SPNS2: variants seen among roughly 807,000 people sequenced by gnomAD.
The protein encoded by SPNS2 is SPNS lysolipid transporter 2, sphingosine-1-phosphate.
Under a neutral mutation model 57.6 loss-of-function variants are expected in SPNS2, and 37 were observed. The ratio of observed to expected loss-of-function variants is 0.64; its 90% confidence interval spans 0.49 to 0.85. SPNS2 has a LOEUF of 0.85. Among genes scored for constraint, SPNS2 ranks in the 40% least tolerant of loss-of-function variants. The pLI is 0.00. For synonymous variants in SPNS2, 440 were observed against 346.9 expected (o/e 1.27, Z -2.98); for missense variants, 831 against 779.1 (o/e 1.07, Z -0.79).
intron 8 of SPNS2, 61 bp downstream of exon 8, chr17:4,533,493 G>C (rs1905599948): frequency 6.7e-7 from 1 of 1,496,366 alleles, no homozygotes; most frequent in African/African-American, 1.4e-5. Context: ...GGAGGGTCTG[G>C]AACAGGACAT....
Position 4,536,966 on chromosome 17 carries a change from C to A in SPNS2, c.*4+20C>A. On this transcript the variant is annotated intron_variant, in intron 12 of 12. Transcript: ENST00000329078. ...GAGGTGGTGAGTGCAGGCCGGGAGG[C>A]ACGTGGGGGCTCCCTAAGGAAAGGG... 1.2e-6 allele frequency: 2 copies of A among 1,610,688 alleles called. No homozygotes were observed. The highest frequency in any genetic ancestry group is 1.7e-6 in the Non-Finnish European group (2 of 1,178,798).
intron 2 of SPNS2, among the ~76,000 whole-genome samples, chr17:4,521,002 T>A (rs1905125259): frequency 6.6e-6 from 1 of 152,158 alleles, no homozygotes; most frequent in Admixed American, 6.5e-5. Context: ...TATTTCAGCG[T>A]ATATTCTTGA....
chr17:4,527,766 G>A (rs1034656589), intron 3 of SPNS2, among the ~76,000 whole-genome samples: 1 of 152,182 alleles, frequency 6.6e-6, no homozygotes, highest in Admixed American at 6.5e-5. Context: ...AAAGCTGTGG[G>A]GAATCGGGGA....
rs1904904499 is a variant in SPNS2, at chr17:4,513,403, T to C, written c.436+91T>C. ...GTCGTCATCTGCCACCCGGTCTGTC[T>C]TCCCCTGTCCTGACTCCTGGAAAGA... On this transcript the variant is annotated intron_variant, in intron 2 of 12. Coordinates refer to ENST00000329078, the MANE Select transcript of SPNS2 (RefSeq NM_001124758.3). 5.7e-6 allele frequency: 8 copies of C among 1,395,430 alleles called. No individual in the cohort carries two copies. In the East Asian group the frequency reaches 1.8e-4, roughly 32 times the overall value. 86.4% of individuals were successfully genotyped at this position (1,395,430 alleles called of 1,614,324 possible).
chr17:4,508,383 C>A (rs1434460738), intron 1 of SPNS2, among the ~76,000 whole-genome samples: 1 of 152,180 alleles, frequency 6.6e-6, no homozygotes, highest in Non-Finnish European at 1.5e-5. Flanking sequence ...GGTGACTCTG[C>A]AGATTTGGGG....
chr17:4,528,086 A>G (rs1305665388), intron 3 of SPNS2, among the ~76,000 whole-genome samples: 1 of 151,930 alleles, frequency 6.6e-6, no homozygotes, highest in Non-Finnish European at 1.5e-5. Context: ...GCAATGGCAC[A>G]ATCTGGGTTC....
chr17:4,524,671 G>A (rs1001066879), intron 2 of SPNS2, among the ~76,000 whole-genome samples: 2 of 152,294 alleles, frequency 1.3e-5, no homozygotes, highest in Admixed American at 6.5e-5. Context: ...GTGACAGAGC[G>A]AGACCCTGTC....
chr17:4,530,419 C>T (rs892769551), intron 3 of SPNS2, among the ~76,000 whole-genome samples: 2 of 152,152 alleles, frequency 1.3e-5, no homozygotes, highest in African/African-American at 4.8e-5. Flanking sequence ...ACTGGGCCGG[C>T]CAGGCCCCGT....
Position 4,533,049 on chromosome 17 carries a change from C to G in SPNS2, c.1008C>G (p.Ile336Met). Reference protein sequence around the residue: ...SFATGALGMWIPLYLHRAQVV... With the variant: ...SFATGALGMWMPLYLHRAQVV... ...CCACGGGGGCCCTGGGCATGTGGATCCCGCTCTACCTGCACCGCGCCCAAG... is the reference window on the plus strand; with the variant it reads ...CCACGGGGGCCCTGGGCATGTGGATGCCGCTCTACCTGCACCGCGCCCAAG... The change falls in exon 7 of 13, where the codon ATC becomes ATG. Residue 336 changes from isoleucine (I) to methionine (M), a missense_variant. Physicochemically the swap from Ile to Met is conservative, Grantham distance 10 (BLOSUM62 1). Coordinates refer to ENST00000329078, the MANE Select transcript of SPNS2 (RefSeq NM_001124758.3). The G allele has an allele frequency of 6.2e-7, 1 of 1,613,404 alleles. No individual in the cohort carries two copies. The highest frequency in any genetic ancestry group is 8.5e-7 in the Non-Finnish European group (1 of 1,179,990).
At chr17:4,532,502 T>A (rs1270211747) in intron 5 of SPNS2, 40 bp from the exon 6 acceptor site, 1 of 1,613,794 alleles carries the variant, frequency 6.2e-7, no homozygotes, top group Non-Finnish European at 8.5e-7. Flanking sequence ...GGGACGAGGC[T>A]CACTGGGCCC....
chr17:4,533,673 G>T, intron 8 of SPNS2, 115 bp from the exon 9 acceptor site: 1 of 1,240,800 alleles, frequency 8.1e-7, no homozygotes. Context: ...TGTGGGCCCG[G>T]GAGGGGTGTG....
chr17:4,499,145 G>T lies in SPNS2; in HGVS notation c.98G>T (p.Gly33Val). ...RRRRRRGAQR[G>V]AGGSGCCGAR... ...CGCCGGCGCCGGGGGGCGCAGCGAG[G>T]GGCTGGCGGTAGCGGTTGCTGCGGG... Residue 33 changes from glycine (G) to valine (V), a missense_variant, in exon 1 of 13, where the codon GGG becomes GTG. By Grantham distance (109) the Gly-to-Val change is moderately radical (BLOSUM62 -3). Around this residue, in one of 2 missense-constraint regions of SPNS2, gnomAD observed 305 missense variants for 378.3 expected, o/e 0.81. Transcript: ENST00000329078. The surrounding 1 kb of genome is among the most constrained non-coding windows in gnomAD (Gnocchi z 5.2). 8.4e-7 allele frequency: 1 copy of T among 1,185,342 alleles called. No homozygotes were observed. The highest frequency in any genetic ancestry group is 3.4e-4 in the Middle Eastern group (1 of 2,962). 73.4% of individuals were successfully genotyped at this position (1,185,342 alleles called of 1,614,324 possible).
chr17:4,518,509 C>T (rs36126342), intron 2 of SPNS2, among the ~76,000 whole-genome samples: 23,471 of 152,102 alleles, frequency 0.15, 3,245 homozygotes, highest in East Asian at 0.67. Flanking sequence ...GGCGACAGAG[C>T]GAGACTCCGT....
chr17:4,536,040 C>T (rs1164005183), intron 9 of SPNS2, 36 bp from the exon 10 acceptor site: 1 of 1,589,044 alleles, frequency 6.3e-7, no homozygotes, highest in Non-Finnish European at 8.6e-7. Flanking sequence ...GTGAGCCTTT[C>T]TCCTCTGGCC....
At chr17:4,518,518 G>A (rs1026759520) in intron 2 of SPNS2, among the ~76,000 whole-genome samples, 14 of 152,056 alleles carry the variant, frequency 9.2e-5, no homozygotes, top group African/African-American at 1.9e-4. Context: ...GCGAGACTCC[G>A]TCTCAAAAAC....
chr17:4,533,435 G>T lies in SPNS2; in HGVS notation c.1278+3G>T. The T allele has an allele frequency of 6.3e-7, 1 of 1,591,922 alleles. No individual in the cohort carries two copies. Among genetic ancestry groups the T allele is most frequent in the South Asian group, 1.1e-5 (1 of 89,180 alleles). The stretch of plus-strand genomic sequence containing the variant: ...AGAGCAGCATCGTAGGAGCCTATGT[G>T]AGTGCAGCGGGGGTCAAGGGTGCTG... On this transcript the variant is annotated splice_donor_region_variant and intron_variant, in intron 8 of 12. Transcript: ENST00000329078.
intron 3 of SPNS2, among the ~76,000 whole-genome samples, chr17:4,528,283 A>AC (rs1905319713): frequency 6.6e-6 from 1 of 151,922 alleles, no homozygotes; most frequent in South Asian, 2.1e-4. Flanking sequence ...TCAGCCTCCT[A>AC]AAGTGCTGGA....
At chr17:4,500,318 C>A (rs1904441255) in intron 1 of SPNS2, among the ~76,000 whole-genome samples, 1 of 152,122 alleles carries the variant, frequency 6.6e-6, no homozygotes, top group Non-Finnish European at 1.5e-5. Context: ...GTTGATTGAT[C>A]ATTGGGCCTT....
chr17:4,501,510 A>C (rs1904511066), intron 1 of SPNS2, among the ~76,000 whole-genome samples: 1 of 152,012 alleles, frequency 6.6e-6, no homozygotes, highest in African/African-American at 2.4e-5. Context: ...TCCTGTGCAA[A>C]CACTTGCCTG....
Sources: allele counts gnomAD v4.1 joint callset (sites outside exome capture counted in the v4.1 genomes callset), GRCh38; gene constraint gnomAD v4.1.1; regional missense constraint gnomAD v4.1.1; non-coding constraint Gnocchi (gnomAD v3.1); transcripts MANE v1.5; gene names NCBI Gene and HGNC (gene_info 2026-07-23, HGNC 2026-07-21).